DAPK1: variants seen among roughly 807,000 people sequenced by gnomAD.
The protein encoded by DAPK1 is death associated protein kinase 1.
DAPK1 carries 56 observed loss-of-function variants against 144.9 expected under a neutral mutation model. That is an observed-to-expected ratio of 0.39 (90% confidence interval 0.31 to 0.48). DAPK1 has a LOEUF of 0.48. Among genes scored for constraint, DAPK1 ranks in the 20% least tolerant of loss-of-function variants. The pLI is 0.95. For missense variants in DAPK1, 1,454 were observed against 1,875.4 expected, an observed-to-expected ratio of 0.78 and a Z score of 4.15; for synonymous variants, 690 against 749.0, an observed-to-expected ratio of 0.92 and a Z score of 1.29.
At chr9:87,615,592 G>A (rs36208404) in intron 3 of DAPK1, among the ~76,000 whole-genome samples, 3 of 152,204 alleles carry the variant, frequency 2.0e-5, no homozygotes, top group East Asian at 3.8e-4. Flanking sequence ...TACTTTTAAG[G>A]CACTTGCACT....
At chr9:87,499,556 TC>T (rs1824318558) in intron 2 of DAPK1, among the ~76,000 whole-genome samples, 1 of 152,236 alleles carries the variant, frequency 6.6e-6, no homozygotes, top group South Asian at 2.1e-4. Flanking sequence ...TTACCCTCTA[TC>T]TAAATTTTCA....
chr9:87,705,544 T>G (rs1430676970), intron 25 of DAPK1, among the ~76,000 whole-genome samples: 1 of 152,268 alleles, frequency 6.6e-6, no homozygotes, highest in East Asian at 1.9e-4. Flanking sequence ...GCTGATCAGT[T>G]GTTGACATTT....
chr9:87,617,613 C>A (rs768555970), intron 3 of DAPK1, among the ~76,000 whole-genome samples: 1 of 152,314 alleles, frequency 6.6e-6, no homozygotes, highest in African/African-American at 2.4e-5. Context: ...GCTGCCAAAA[C>A]TTTCTTATAT....
chr9:87,648,215 G>T (rs1830333417), intron 14 of DAPK1, among the ~76,000 whole-genome samples: 1 of 152,184 alleles, frequency 6.6e-6, no homozygotes, highest in Non-Finnish European at 1.5e-5. Context: ...TTATTCTGAT[G>T]ATTTTCTGTG....
At chr9:87,571,476 A>ACCCCCAC (rs771023885) in intron 2 of DAPK1, among the ~76,000 whole-genome samples, 17 of 48,554 alleles carry the variant, frequency 3.5e-4, no homozygotes, top group African/African-American at 6.4e-4. Flanking sequence ...CACACACACC[A>ACCCCCAC]ACACACACAC....
chr9:87,649,846 G>C (rs1830384859), intron 15 of DAPK1, 75 bp from the exon 16 acceptor site: 2 of 1,474,988 alleles, frequency 1.4e-6, no homozygotes, highest in East Asian at 2.3e-5. Flanking sequence ...AATTTGACAG[G>C]GACTCTCACC....
intron 2 of DAPK1, among the ~76,000 whole-genome samples, chr9:87,558,684 C>T (rs892671507): frequency 6.6e-6 from 1 of 152,204 alleles, no homozygotes; most frequent in Admixed American, 6.5e-5. Flanking sequence ...TTTTTGTTGA[C>T]TTGGTAGTTC....
chr9:87,618,117 T>C (rs1374186544), intron 3 of DAPK1, among the ~76,000 whole-genome samples: 1 of 152,232 alleles, frequency 6.6e-6, no homozygotes, highest in African/African-American at 2.4e-5. Context: ...AGCTCACCCC[T>C]GGATTCATTA....
intron 2 of DAPK1, among the ~76,000 whole-genome samples, chr9:87,545,225 C>G (rs978269773): frequency 6.6e-6 from 1 of 152,206 alleles, no homozygotes; most frequent in African/African-American, 2.4e-5. Context: ...CCCCAATTCT[C>G]CTTGCAAACC....
intron 3 of DAPK1, among the ~76,000 whole-genome samples, chr9:87,623,125 T>G (rs1235383425): frequency 9.2e-5 from 14 of 152,156 alleles, no homozygotes; most frequent in African/African-American, 2.9e-4. Context: ...GTGCTGGTAA[T>G]GACTTCCACC....
chr9:87,705,686 A>G (rs1472489164), intron 25 of DAPK1, among the ~76,000 whole-genome samples: 1 of 152,216 alleles, frequency 6.6e-6, no homozygotes, highest in East Asian at 1.9e-4. Flanking sequence ...ATAACCCAAT[A>G]TAATTGATGA....
intron 17 of DAPK1, among the ~76,000 whole-genome samples, chr9:87,655,055 ACTGT>A (rs1287782384): frequency 3.5e-4 from 54 of 152,326 alleles, no homozygotes; most frequent in African/African-American, 1.2e-3. Context: ...TTGTGTAATC[ACTGT>A]CTGTGGCAGA....
intron 3 of DAPK1, among the ~76,000 whole-genome samples, chr9:87,627,206 GA>G (rs770653501): frequency 6.6e-6 from 1 of 152,190 alleles, no homozygotes; most frequent in Non-Finnish European, 1.5e-5. Context: ...CCATGAGGTT[GA>G]CCTTGCTCCT....
At chr9:87,589,542 G>A (rs893004212) in intron 2 of DAPK1, among the ~76,000 whole-genome samples, 7 of 101,068 alleles carry the variant, frequency 6.9e-5, no homozygotes, top group Admixed American at 2.4e-4. Context: ...AGGTCAGCTA[G>A]CACCATCAAG....
chr9:87,501,022 G>A (rs1031220266), intron 2 of DAPK1, among the ~76,000 whole-genome samples: 4 of 152,110 alleles, frequency 2.6e-5, no homozygotes, highest in South Asian at 2.1e-4. Context: ...GTCTGCCTTG[G>A]ATGTAGCCAC....
chr9:87,528,797 A>G (rs112172473), intron 2 of DAPK1, among the ~76,000 whole-genome samples: 12,889 of 148,070 alleles, frequency 0.087, 836 homozygotes, highest in East Asian at 0.34. Context: ...TCTTGAACCC[A>G]GGAGGCGGAG....
intron 23 of DAPK1, 27 bp downstream of exon 23, chr9:87,698,821 C>T (rs1334780570): frequency 1.3e-6 from 2 of 1,487,158 alleles, no homozygotes; most frequent in Non-Finnish European, 1.9e-6. Context: ...TAGTCTCCAG[C>T]TCACGGGTAG....
intron 2 of DAPK1, among the ~76,000 whole-genome samples, chr9:87,537,397 G>A (rs1260926522): frequency 6.6e-6 from 1 of 152,122 alleles, no homozygotes; most frequent in Non-Finnish European, 1.5e-5. Flanking sequence ...TGTATGGGGA[G>A]ATGTTTCTGG....
At chr9:87,549,058 A>C (rs185038056) in intron 2 of DAPK1, among the ~76,000 whole-genome samples, 28 of 151,408 alleles carry the variant, frequency 1.8e-4, no homozygotes, top group Admixed American at 1.6e-3. Flanking sequence ...ATATTAACCC[A>C]GTACCCATTA....
Sources: allele counts gnomAD v4.1 joint callset (sites outside exome capture counted in the v4.1 genomes callset), GRCh38; gene constraint gnomAD v4.1.1; transcripts MANE v1.5; gene names NCBI Gene and HGNC (gene_info 2026-07-23, HGNC 2026-07-21).